ADGRF5: variants seen among roughly 807,000 people sequenced by gnomAD.
ADGRF5 encodes the protein adhesion G protein-coupled receptor F5, also known as G-protein coupled receptor 116.
ADGRF5 carries 75 observed loss-of-function variants against 132.3 expected under a neutral mutation model. The ratio of observed to expected loss-of-function variants is 0.57; its 90% CI spans 0.47 to 0.69. ADGRF5 has a LOEUF of 0.69. Among genes scored for constraint, ADGRF5 ranks in the 30% least tolerant of loss-of-function variants. The probability of loss-of-function intolerance (pLI) is 0.00; values close to 1 mark genes in which losing one functional copy is unlikely to be tolerated. For missense variants in ADGRF5, 1,516 were observed against 1,630.6 expected (o/e 0.93, Z 1.21); for synonymous variants, 629 against 597.6 (o/e 1.05, Z -0.77).
At chr6:46,906,603 G>C in intron 2 of ADGRF5, 58 bp downstream of exon 2, 2 of 905,948 alleles carry the variant, frequency 2.2e-6, no homozygotes, top group Middle Eastern at 4.3e-4. Flanking sequence ...ACCATTGTCA[G>C]TCAGGAAATC....
intron 1 of ADGRF5, among the ~76,000 whole-genome samples, chr6:46,914,794 T>G (rs1251870726): frequency 6.6e-6 from 1 of 151,980 alleles, no homozygotes; most frequent in Non-Finnish European, 1.5e-5. Flanking sequence ...TGCATTCCAA[T>G]TGCAGACGGA....
chr6:46,934,646 T>G, intron 1 of ADGRF5, among the ~76,000 whole-genome samples: 1 of 152,168 alleles, frequency 6.6e-6, no homozygotes, highest in East Asian at 1.9e-4. Flanking sequence ...ACATTGTGTG[T>G]TTTTAATCTA....
At chr6:46,879,756 T>C in intron 9 of ADGRF5, 62 bp downstream of exon 9, 6 of 1,088,038 alleles carry the variant, frequency 5.5e-6, no homozygotes, top group South Asian at 1.2e-5. Context: ...CACTATTACA[T>C]ATTTGCTTCT....
chr6:46,866,487 G>C (rs186953318), intron 13 of ADGRF5, among the ~76,000 whole-genome samples: 2 of 152,132 alleles, frequency 1.3e-5, no homozygotes, highest in Non-Finnish European at 2.9e-5. Flanking sequence ...TCCAGCATTA[G>C]TTAAAGCATC....
At position 46,884,243 on chromosome 6, in the gene ADGRF5, C is replaced by A. The variant is rs149511712; in HGVS notation, c.357G>T (p.Trp119Cys). The A allele has an allele frequency of 8.1e-5, 130 of 1,613,702 alleles. 2 individuals carry two copies. In the Admixed American group the frequency reaches 2.2e-3, roughly 27 times the overall value. Residue 119 changes from tryptophan (W) to cysteine (C), a missense_variant, in exon 5 of 21, where the codon TGG (tryptophan) becomes TGT (cysteine). By Grantham distance (215) the Trp-to-Cys change is radical. Around this residue, in one of 2 missense-constraint regions of ADGRF5, gnomAD observed 945 missense variants for 929.4 expected, o/e 1.02. Coordinates refer to ENST00000283296, the MANE Select transcript of ADGRF5 (RefSeq NM_001098518.2). ...ACCCATAACCTGTCTCGCAGGAGCA[C>A]CAGATTTCATTTCCAGCAGGTCTGC... The part of the protein sequence containing the change: ...TVCRPAGNEI[W>C]CSCETGYGWP...
At chr6:46,908,793 G>T (rs1426390713) in intron 1 of ADGRF5, 1 of 152,180 alleles carries the variant, frequency 6.6e-6, no homozygotes, top group African/African-American at 2.4e-5. Context: ...ACCACGGGGA[G>T]GCGGGTGTTC....
rs1040203052 is a variant in ADGRF5, at chr6:46,859,019, C to A, written c.2884G>T (p.Ala962Ser). The change falls in exon 17 of 21, where the codon GCC becomes TCC. Residue 962 changes from alanine to serine, a missense_variant. Ala to Ser is a moderately conservative substitution (Grantham distance 99, BLOSUM62 1). This residue lies in a region of ADGRF5 where 571 missense variants were observed against 701.2 expected (regional missense o/e 0.81). Transcript: ENST00000283296. The stretch of plus-strand genomic sequence containing the variant: ...CTGTCCCACCCCCCTGTGTTGTTGG[C>A]AAGCCTGAAGTTCCAGAAGACACAC... The part of the protein sequence containing the change: ...TKCVFWNFRL[A>S]NNTGGWDSSG... 1.2e-6 allele frequency: 2 copies of A among 1,614,062 alleles called. No individual in the cohort carries two copies. The highest frequency in any genetic ancestry group is 1.7e-6 in the Non-Finnish European group (2 of 1,180,030).
At chr6:46,941,428 AAAGAAAAG>A (rs1344612090) in intron 1 of ADGRF5, among the ~76,000 whole-genome samples, 5 of 58,904 alleles carry the variant, frequency 8.5e-5, no homozygotes, top group African/African-American at 2.9e-4. Context: ...AAAGAAAAGA[AAAGAAAAG>A]AAAAGAAAAG....
At chr6:46,946,158 A>G (rs1480427652) in intron 1 of ADGRF5, among the ~76,000 whole-genome samples, 1 of 152,224 alleles carries the variant, frequency 6.6e-6, no homozygotes, top group Non-Finnish European at 1.5e-5. Flanking sequence ...GGCCCCGGTT[A>G]TAGCCATTGG....
In ADGRF5 at chr6:46,856,814, T is replaced by A. The variant is rs1336454792; in HGVS notation, c.3817-37A>T. 1.9e-6 allele frequency: 3 copies of A among 1,600,598 alleles called. No individual in the cohort carries two copies. The South Asian group carries it at 3.3e-5, about 18-fold the overall frequency. On this transcript the variant is annotated intron_variant, in intron 18 of 20. Transcript: ENST00000283296. Reference sequence around the variant, plus strand: ...AAAAGAAGCTATCGTAACTTCAACATGCCACAAGCACTTCAGACTTTTCTA... The same window carrying A: ...AAAAGAAGCTATCGTAACTTCAACAAGCCACAAGCACTTCAGACTTTTCTA...
chr6:46,944,418 C>A (rs1778219392), intron 1 of ADGRF5, among the ~76,000 whole-genome samples: 1 of 152,170 alleles, frequency 6.6e-6, no homozygotes, highest in East Asian at 1.9e-4. Context: ...CCATGGCCCA[C>A]AAGGTGGGGA....
chr6:46,923,201 C>T (rs1456848499), upstream of ADGRF5, among the ~76,000 whole-genome samples: 1 of 152,238 alleles, frequency 6.6e-6, no homozygotes, highest in African/African-American at 2.4e-5. Context: ...GCTGGGATTA[C>T]AGGCGTGAGC....
At chr6:46,933,075 A>C (rs1777643399) in intron 1 of ADGRF5, among the ~76,000 whole-genome samples, 1 of 152,200 alleles carries the variant, frequency 6.6e-6, no homozygotes, top group African/African-American at 2.4e-5. Flanking sequence ...CATATATGAA[A>C]ATTAATCAAA....
chr6:46,900,962 T>A (rs1774702599), intron 2 of ADGRF5, among the ~76,000 whole-genome samples: 1 of 152,206 alleles, frequency 6.6e-6, no homozygotes, highest in South Asian at 2.1e-4. Context: ...AGTTCTTACC[T>A]ATAGAATGGG....
intron 1 of ADGRF5, among the ~76,000 whole-genome samples, chr6:46,933,526 G>C (rs552575579): frequency 6.6e-6 from 1 of 152,256 alleles, no homozygotes; most frequent in African/African-American, 2.4e-5. Context: ...GAGATGGACC[G>C]ACCTAGTTGG....
chr6:46,927,978 C>A (rs2150932663), intron 1 of ADGRF5, among the ~76,000 whole-genome samples: 1 of 152,270 alleles, frequency 6.6e-6, no homozygotes, highest in South Asian at 2.1e-4. Flanking sequence ...GAGACAGACG[C>A]ATAGGCTATG....
chr6:46,868,133 A>C (rs144577843), intron 12 of ADGRF5, among the ~76,000 whole-genome samples: 46 of 152,356 alleles, frequency 3.0e-4, no homozygotes, highest in Admixed American at 2.0e-3. Flanking sequence ...TTAATCTCAT[A>C]GTTAATGAAA....
intron 15 of ADGRF5, among the ~76,000 whole-genome samples, 183 bp downstream of exon 15, chr6:46,862,705 T>G (rs1046006001): frequency 4.8e-5 from 2 of 41,554 alleles, no homozygotes; most frequent in Non-Finnish European, 6.8e-5. Flanking sequence ...AATTGAGGCT[T>G]TTTTTTTTTT....
rs758504490 is a variant in ADGRF5 at position 46,862,984 on chromosome 6, G to A, written c.2103C>T (p.Gly701=). The part of the protein sequence containing the change: ...NVPSSPESPI[G]GTITYKCVGS... The stretch of plus-strand genomic sequence containing the variant: ...CTACACATTTGTAAGTGATGGTCCC[G>A]CCAATGGGACTCTCAGGGCTGCTGG... Residue 701 remains glycine (G), a synonymous_variant, in exon 15 of 21, where the codon GGC becomes GGT. Coordinates refer to ENST00000283296, the MANE Select transcript of ADGRF5 (RefSeq NM_001098518.2). 57 of 1,612,600 alleles carry A rather than the reference G, an allele frequency of 3.5e-5. No individual in the cohort carries two copies. The Middle Eastern group carries it at 1.2e-3, about 33-fold the overall frequency.
Sources: gnomAD v4.1 joint callset for allele counts (sites outside exome capture counted in the v4.1 genomes callset) on GRCh38, gnomAD v4.1.1 for gene constraint, gnomAD v4.1.1 regional missense constraint, MANE v1.5 for transcripts, NCBI Gene and HGNC (gene_info 2026-07-23, HGNC 2026-07-21) for gene names.